Variants in AKAP13 observed in about 807,000 individuals in gnomAD.
AKAP13 encodes the protein A-kinase anchor protein 13.
A neutral mutation model predicts 264.5 loss-of-function variants in AKAP13; 80 were observed. The ratio of observed to expected loss-of-function variants is 0.30; its 90% CI spans 0.25 to 0.36. AKAP13 has a LOEUF of 0.36. Among genes scored for constraint, AKAP13 ranks in the 10% least tolerant of loss-of-function variants. AKAP13 has a pLI of 1.00. For missense variants in AKAP13, 3,712 were observed against 3,435.2 expected (o/e 1.08, Z -2.01); for synonymous variants, 1,380 against 1,250.2 (o/e 1.10, Z -2.19).
intron 3 of AKAP13, among the ~76,000 whole-genome samples, chr15:85,528,868 C>T (rs2077164439): frequency 1.3e-5 from 2 of 152,126 alleles, no homozygotes; most frequent in Admixed American, 1.3e-4. Flanking sequence ...TCTCTAAATC[C>T]TCTAGAGTAG....
intron 1 of AKAP13, among the ~76,000 whole-genome samples, chr15:85,481,971 C>T (rs1037878163): frequency 6.6e-6 from 1 of 152,176 alleles, no homozygotes; most frequent in Non-Finnish European, 1.5e-5. Context: ...ACTGACAAAG[C>T]AAAGACTTTC....
intron 5 of AKAP13, among the ~76,000 whole-genome samples, chr15:85,551,794 C>G (rs763292269): frequency 6.6e-6 from 1 of 152,098 alleles, no homozygotes; most frequent in Non-Finnish European, 1.5e-5. Flanking sequence ...AAATACAGAC[C>G]TGGAGTATAG....
intron 7 of AKAP13, chr15:85,583,284 A>G (rs750596320): frequency 1.4e-5 from 10 of 712,852 alleles, no homozygotes; most frequent in Admixed American, 1.3e-4. Context: ...AAATGAATCA[A>G]TGGAGCAAAA....
At chr15:85,554,658 T>C (rs902466408) in intron 5 of AKAP13, among the ~76,000 whole-genome samples, 1 of 152,152 alleles carries the variant, frequency 6.6e-6, no homozygotes, top group African/African-American at 2.4e-5. Context: ...ACCAGCCCTC[T>C]AGCATACCAC....
chr15:85,613,691 A>AAAAAAATAT (rs1313187436), intron 8 of AKAP13, among the ~76,000 whole-genome samples: 30 of 91,966 alleles, frequency 3.3e-4, no homozygotes, highest in Non-Finnish European at 5.8e-4. Context: ...AAAAAAAAAA[A>AAAAAAATAT]ATATATATAT....
At chr15:85,404,743 G>T (rs2071587810) in intron 1 of AKAP13, among the ~76,000 whole-genome samples, 1 of 152,142 alleles carries the variant, frequency 6.6e-6, no homozygotes, top group African/African-American at 2.4e-5. Context: ...TGTATCTTTA[G>T]TACCTAGCTC....
At chr15:85,651,097 C>T (rs2082818321) in intron 10 of AKAP13, among the ~76,000 whole-genome samples, 1 of 152,088 alleles carries the variant, frequency 6.6e-6, no homozygotes, top group South Asian at 2.1e-4. Context: ...ATAAAGTATG[C>T]AGCAGTTTTG....
chr15:85,585,174 C>T (rs138894891), intron 7 of AKAP13, among the ~76,000 whole-genome samples: 1 of 152,164 alleles, frequency 6.6e-6, no homozygotes, highest in Non-Finnish European at 1.5e-5. Context: ...GACGTAACTG[C>T]TGAGTAGTTC....
intron 2 of AKAP13, among the ~76,000 whole-genome samples, chr15:85,498,844 T>TA (rs1044221527): frequency 7.2e-5 from 11 of 152,162 alleles, no homozygotes; most frequent in Non-Finnish European, 2.9e-5. Context: ...TGCAGGTGTT[T>TA]ACGCCCCATC....
rs34964108 is a variant in AKAP13, at chr15:85,655,524, C to T, written c.4482C>T (p.Ser1494=). 1,542 of 1,614,196 alleles carry T rather than the reference C, an allele frequency of 9.6e-4. 6 individuals carry two copies. In the African/African-American group the frequency reaches 0.012, roughly 13 times the overall value. Residue 1494 remains serine, a synonymous_variant, in exon 11 of 37, where the codon TCC becomes TCT. Coordinates refer to ENST00000394518, the MANE Select transcript of AKAP13 (RefSeq NM_007200.5). ...HSSHGSDVSL[S]QILKPNRSRD... is the part of the protein sequence containing the mutation. ...CTCATGGCAGTGATGTGTCTCTCTC[C>T]CAGATTTTAAAGCCAAACAGGTCAA...
chr15:85,443,498 C>T (rs1296738337), intron 1 of AKAP13, among the ~76,000 whole-genome samples: 2 of 152,134 alleles, frequency 1.3e-5, no homozygotes, highest in Non-Finnish European at 2.9e-5. Context: ...GGTGTATCAG[C>T]ATTCCTTATT....
At chr15:85,688,718 A>G (rs973063978) in intron 16 of AKAP13, among the ~76,000 whole-genome samples, 11 of 152,212 alleles carry the variant, frequency 7.2e-5, no homozygotes, top group Non-Finnish European at 1.6e-4. Flanking sequence ...GGTTTTGTAT[A>G]TAAACTTAAG....
intron 17 of AKAP13, among the ~76,000 whole-genome samples, chr15:85,694,965 C>CTT (rs796328058): frequency 3.4e-5 from 5 of 146,604 alleles, no homozygotes; most frequent in African/African-American, 1.2e-4. Context: ...GATTTTTTTT[C>CTT]TTTTTTTTTT....
rs542297313 is a variant in AKAP13 at position 85,743,938 on chromosome 15, A to G, written c.8392+113A>G. The G allele has an allele frequency of 8.2e-5, 102 of 1,236,502 alleles. No homozygotes were observed. In the African/African-American group the frequency reaches 1.5e-3, roughly 18 times the overall value. The allele number at this position is 1,236,502 out of a possible 1,614,324, so 76.6% of individuals were successfully genotyped here. A position where few individuals can be genotyped will look rare whatever the true frequency, so the allele number is the denominator to read the frequency against. Reference sequence around the variant, plus strand: ...AAAAGGGGACAGTTCAGATGCTCAAAAGCCAAACTGCCATCCTTTTCACCA... The same window carrying G: ...AAAAGGGGACAGTTCAGATGCTCAAGAGCCAAACTGCCATCCTTTTCACCA... On this transcript the variant is annotated intron_variant, in intron 36 of 36. Transcript: ENST00000394518.
intron 9 of AKAP13, among the ~76,000 whole-genome samples, chr15:85,642,592 C>T (rs2082359424): frequency 6.6e-6 from 1 of 152,246 alleles, no homozygotes; most frequent in African/African-American, 2.4e-5. Context: ...CGGTCCCTCT[C>T]TCTCCATCTT....
intron 14 of AKAP13, among the ~76,000 whole-genome samples, chr15:85,673,842 C>A (rs1394517645): frequency 7.2e-6 from 1 of 138,492 alleles, no homozygotes; most frequent in Non-Finnish European, 1.6e-5. Context: ...CCCGCCACCA[C>A]ACCCGGCTAA....
chr15:85,387,352 A>T (rs2070623372), intron 1 of AKAP13, among the ~76,000 whole-genome samples: 1 of 152,064 alleles, frequency 6.6e-6, no homozygotes, highest in South Asian at 2.1e-4. Flanking sequence ...ACAAAAAAAG[A>T]TAGGGTCTCA....
chr15:85,497,707 A>G (rs915124693), intron 2 of AKAP13, among the ~76,000 whole-genome samples: 1 of 152,224 alleles, frequency 6.6e-6, no homozygotes, highest in Admixed American at 6.5e-5. Flanking sequence ...CAGTTGCTAC[A>G]CATAGCTAGT....
intron 11 of AKAP13, among the ~76,000 whole-genome samples, chr15:85,657,926 G>T (rs1315731956): frequency 6.6e-6 from 1 of 152,006 alleles, no homozygotes; most frequent in African/African-American, 2.4e-5. Context: ...TTTGATTTTA[G>T]AGCTACATGT....
Sources: gnomAD v4.1 joint callset for allele counts (sites outside exome capture counted in the v4.1 genomes callset) on GRCh38, gnomAD v4.1.1 for gene constraint, MANE v1.5 for transcripts, NCBI Gene and HGNC (gene_info 2026-07-23, HGNC 2026-07-21) for gene names.